The following STOX2 variants were observed in gnomAD, a reference collection of about 807,000 sequenced individuals.
STOX2 encodes the protein storkhead box 2, also known as storkhead-box protein 2.
In STOX2, 28 loss-of-function variants were observed where a neutral mutation model predicts 60.9. The ratio of observed to expected loss-of-function variants is 0.46; its 90% CI spans 0.34 to 0.63. STOX2 has a LOEUF of 0.63. Among genes scored for constraint, STOX2 ranks in the 30% least tolerant of loss-of-function variants. The pLI is 0.01. For synonymous variants in STOX2, 472 were observed against 463.9 expected, an observed-to-expected ratio of 1.02 and a Z score of -0.22; for missense variants, 1,024 against 1,187.7, an observed-to-expected ratio of 0.86 and a Z score of 2.03.
intron 1 of STOX2, among the ~76,000 whole-genome samples, chr4:183,995,840 C>T (rs6552726): frequency 6.6e-6 from 1 of 151,864 alleles, no homozygotes; most frequent in African/African-American, 2.4e-5. Flanking sequence ...CCGCAGCTCC[C>T]CAGTCTCAGC....
At chr4:183,879,374 C>T (rs1003623813) in intron 1 of STOX2, among the ~76,000 whole-genome samples, 5 of 152,194 alleles carry the variant, frequency 3.3e-5, no homozygotes, top group Non-Finnish European at 5.9e-5. Context: ...CAGAAGCACA[C>T]GGTGGCTCTA....
intron 1 of STOX2, among the ~76,000 whole-genome samples, chr4:183,843,554 A>G (rs1739918953): frequency 6.6e-6 from 1 of 152,162 alleles, no homozygotes; most frequent in African/African-American, 2.4e-5. Flanking sequence ...CTCTGTCACC[A>G]CTACTCAGCT....
intron 1 of STOX2, among the ~76,000 whole-genome samples, chr4:183,961,001 C>A (rs182003152): frequency 6.6e-6 from 1 of 152,196 alleles, no homozygotes; most frequent in Non-Finnish European, 1.5e-5. Context: ...CTACACCCCT[C>A]AGCCCTACCC....
chr4:183,829,312 GGT>G (rs1739513051), intron 1 of STOX2, among the ~76,000 whole-genome samples: 1 of 152,172 alleles, frequency 6.6e-6, no homozygotes, highest in Non-Finnish European at 1.5e-5. Context: ...CTTTAAGACT[GGT>G]GGGATTGTGA....
intron 1 of STOX2, among the ~76,000 whole-genome samples, chr4:183,839,611 T>C (rs1008001426): frequency 2.0e-5 from 3 of 152,214 alleles, no homozygotes; most frequent in Non-Finnish European, 4.4e-5. Context: ...TTACTGTGAC[T>C]GTGTGCAAGT....
At chr4:183,835,555 T>G (rs1739687002) in intron 1 of STOX2, among the ~76,000 whole-genome samples, 1 of 152,150 alleles carries the variant, frequency 6.6e-6, no homozygotes, top group African/African-American at 2.4e-5. Context: ...ATTAATTAAT[T>G]AATGTCCAGT....
intron 1 of STOX2, among the ~76,000 whole-genome samples, chr4:183,885,226 C>A (rs1450608397): frequency 6.6e-6 from 1 of 151,982 alleles, no homozygotes; most frequent in African/African-American, 2.4e-5. Flanking sequence ...TTTTTCTTCA[C>A]CTTTCATACT....
intron 3 of STOX2, chr4:184,014,706 T>G (rs755274453): frequency 5.9e-5 from 9 of 152,190 alleles, no homozygotes; most frequent in Non-Finnish European, 1.3e-4. Context: ...CTGTAATCAT[T>G]ATTGCAACAA....
At chr4:183,950,933 C>T (rs1168700885) in intron 1 of STOX2, among the ~76,000 whole-genome samples, 5 of 152,042 alleles carry the variant, frequency 3.3e-5, no homozygotes, top group Non-Finnish European at 7.4e-5. Context: ...GACAGTAGTG[C>T]GGCCGGGCGC....
chr4:184,012,252 C>A (rs1299456683), intron 3 of STOX2, among the ~76,000 whole-genome samples: 1 of 152,158 alleles, frequency 6.6e-6, no homozygotes, highest in African/African-American at 2.4e-5. Context: ...TTCTTCTTAA[C>A]TCTTTCTTCT....
chr4:183,826,091 G>A (rs1274368100), intron 1 of STOX2, among the ~76,000 whole-genome samples: 1 of 152,034 alleles, frequency 6.6e-6, no homozygotes, highest in Non-Finnish European at 1.5e-5. Context: ...CCACTCCCAG[G>A]GACTCTAGCT....
chr4:183,927,612 A>G (rs886491509), intron 1 of STOX2, among the ~76,000 whole-genome samples: 2 of 151,952 alleles, frequency 1.3e-5, no homozygotes, highest in Non-Finnish European at 2.9e-5. Context: ...TTGGCTTTGC[A>G]GGCTAGACGT....
chr4:183,926,315 T>C (rs1450082679), intron 1 of STOX2, among the ~76,000 whole-genome samples: 2 of 148,316 alleles, frequency 1.3e-5, no homozygotes, highest in African/African-American at 5.1e-5. Context: ...AATAAGTAAA[T>C]ATCCAAGAAG....
chr4:183,892,831 TA>T (rs374143988), intron 1 of STOX2, among the ~76,000 whole-genome samples: 137,407 of 152,132 alleles, frequency 0.9, 62,600 homozygotes, highest in Admixed American at 0.96. Flanking sequence ...ACCTACCAAT[TA>T]GTAGGTAACA....
At chr4:183,867,180 C>A (rs1472711006) in intron 1 of STOX2, among the ~76,000 whole-genome samples, 1 of 152,154 alleles carries the variant, frequency 6.6e-6, no homozygotes, top group Non-Finnish European at 1.5e-5. Context: ...TCTCTATTAC[C>A]CATGTGGGCA....
At position 183,913,188 on chromosome 4, in the gene STOX2, G is replaced by A. The variant is rs115007816; in HGVS notation, c.166+6232G>A. Among the ~76,000 whole-genome samples, 718 of 152,276 alleles carry A rather than the reference G, an allele frequency of 4.7e-3. 6 individuals are homozygous for A. Among genetic ancestry groups the A allele is most frequent in the African/African-American group, 0.017 (691 of 41,548 alleles). ...GGTTGAGGAAGCGGTACAAACCAAGGCATGAAGCTGGAAATGAAAATGGGT... is the reference window on the plus strand; with the variant it reads ...GGTTGAGGAAGCGGTACAAACCAAGACATGAAGCTGGAAATGAAAATGGGT... On this transcript the variant is annotated intron_variant, in intron 1 of 3. Coordinates refer to ENST00000308497, the MANE Select transcript of STOX2 (RefSeq NM_020225.3).
At position 184,011,063 on chromosome 4, in the gene STOX2, T is replaced by C. The variant is rs1295349078; in HGVS notation, c.2225T>C (p.Leu742Pro). The C allele has an allele frequency of 1.9e-6, 3 of 1,610,476 alleles. No individual in the cohort carries two copies. The highest frequency in any genetic ancestry group is 2.5e-6 in the Non-Finnish European group (3 of 1,178,162). Reference sequence around the variant, plus strand: ...ACATTGCCAGGCCGATGTGAGAAACTGGAACCGTCCCTGGGGACCTCGGCG... The same window carrying C: ...ACATTGCCAGGCCGATGTGAGAAACCGGAACCGTCCCTGGGGACCTCGGCG... Reference protein sequence around the residue: ...ADTLPGRCEKLEPSLGTSAAQ... With the variant: ...ADTLPGRCEKPEPSLGTSAAQ... Residue 742 changes from leucine to proline, a missense_variant, in exon 3 of 4, where the codon CTG becomes CCG. Leu to Pro is a moderately conservative substitution (Grantham distance 98, BLOSUM62 -3). Coordinates refer to ENST00000308497, the MANE Select transcript of STOX2 (RefSeq NM_020225.3). This position sits in a 1 kb window ranked among gnomAD's most constrained non-coding sequence, Gnocchi z 4.4.
chr4:183,841,085 C>G (rs967607555), intron 1 of STOX2, among the ~76,000 whole-genome samples: 6 of 152,198 alleles, frequency 3.9e-5, no homozygotes, highest in Non-Finnish European at 8.8e-5. Context: ...CCAGGCTGGT[C>G]TCAAATTCTT....
intron 1 of STOX2, among the ~76,000 whole-genome samples, chr4:183,977,942 GTTAC>G (rs1251790676): frequency 6.6e-6 from 1 of 152,020 alleles, no homozygotes; most frequent in East Asian, 1.9e-4. Flanking sequence ...TTTTAATGGG[GTTAC>G]TTGTTTCTTT....
Sources: allele counts gnomAD v4.1 joint callset (sites outside exome capture counted in the v4.1 genomes callset), GRCh38; gene constraint gnomAD v4.1.1; non-coding constraint Gnocchi (gnomAD v3.1); transcripts MANE v1.5; gene names NCBI Gene and HGNC (gene_info 2026-07-23, HGNC 2026-07-21).